HS6ST3: variants seen among roughly 807,000 people sequenced by gnomAD.
HS6ST3 encodes the protein heparan sulfate 6-O-sulfotransferase 3, also known as heparan-sulfate 6-O-sulfotransferase 3.
In HS6ST3, 12 loss-of-function variants were observed where a neutral mutation model predicts 36.7. That is an observed-to-expected ratio of 0.33 (90% CI 0.21 to 0.53). The LOEUF is 0.53. Ranked by LOEUF, HS6ST3 falls within the 20% of genes least tolerant of loss-of-function variation. The probability of loss-of-function intolerance (pLI) is 0.95; values close to 1 mark genes in which losing one functional copy is unlikely to be tolerated. For synonymous variants in HS6ST3, 240 were observed against 257.5 expected, an observed-to-expected ratio of 0.93 and a Z score of 0.65; for missense variants, 584 against 640.9, an observed-to-expected ratio of 0.91 and a Z score of 0.96.
chr13:96,386,790 C>G (rs1261891185), intron 1 of HS6ST3, among the ~76,000 whole-genome samples: 1 of 152,078 alleles, frequency 6.6e-6, no homozygotes, highest in African/African-American at 2.4e-5. Context: ...GGCTTGAACC[C>G]GGGAGGCAGA....
rs1033163416 is a variant in HS6ST3 at position 96,838,229 on chromosome 13, T to C, written c.*5031T>C. ...TGAAAAAATAGAAAAATGACTAAGA[T>C]ACAGTCTCTGTCCTCTAGAACTAGG... is the stretch of plus-strand genomic sequence containing the variant. On this transcript the variant is annotated 3_prime_UTR_variant, in exon 2 of 2. Coordinates refer to ENST00000376705, the MANE Select transcript of HS6ST3 (RefSeq NM_153456.4). 3 of 152,078 alleles carry C rather than the reference T, an allele frequency of 2.0e-5. No homozygotes were observed. The highest frequency in any genetic ancestry group is 7.2e-5 in the African/African-American group (3 of 41,448). 9.4% of individuals were successfully genotyped at this position (152,078 alleles called of 1,614,324 possible).
At chr13:96,657,154 A>T (rs1594829093) in intron 1 of HS6ST3, among the ~76,000 whole-genome samples, 1 of 152,114 alleles carries the variant, frequency 6.6e-6, no homozygotes, top group Non-Finnish European at 1.5e-5. Context: ...ACCAACAGAG[A>T]TGTATTCTTT....
intron 1 of HS6ST3, among the ~76,000 whole-genome samples, chr13:96,453,180 T>TAA (rs56996268): frequency 0.012 from 1,573 of 135,824 alleles, 25 homozygotes; most frequent in African/African-American, 0.041. Flanking sequence ...ATGCTCTTTT[T>TAA]AAAAAAAAAA....
At chr13:96,338,518 G>A (rs2055113459) in intron 1 of HS6ST3, among the ~76,000 whole-genome samples, 1 of 152,188 alleles carries the variant, frequency 6.6e-6, no homozygotes, top group Non-Finnish European at 1.5e-5. Flanking sequence ...GCCAAGAAGA[G>A]TTAGAGAGAG....
chr13:96,646,723 A>G (rs544301304), intron 1 of HS6ST3, among the ~76,000 whole-genome samples: 1 of 152,028 alleles, frequency 6.6e-6, no homozygotes, highest in Non-Finnish European at 1.5e-5. Flanking sequence ...AGGTCTCCGT[A>G]TTGTTCTCAT....
intron 1 of HS6ST3, among the ~76,000 whole-genome samples, chr13:96,400,308 T>TACAC (rs10603063): frequency 5.7e-4 from 81 of 142,566 alleles, no homozygotes; most frequent in African/African-American, 1.8e-3. Context: ...GACACACAGA[T>TACAC]ACACACACAC....
At chr13:96,414,843 C>CT (rs1015941945) in intron 1 of HS6ST3, among the ~76,000 whole-genome samples, 1 of 152,050 alleles carries the variant, frequency 6.6e-6, no homozygotes, top group African/African-American at 2.4e-5. Context: ...TAAATATGGG[C>CT]TTTTTTTCAT....
chr13:96,581,777 GC>G (rs2056342920), intron 1 of HS6ST3, among the ~76,000 whole-genome samples: 1 of 152,168 alleles, frequency 6.6e-6, no homozygotes, highest in African/African-American at 2.4e-5. Flanking sequence ...TGTACTCATG[GC>G]TACTGGAGGT....
At chr13:96,184,965 A>C (rs2054258512) in intron 1 of HS6ST3, among the ~76,000 whole-genome samples, 1 of 152,206 alleles carries the variant, frequency 6.6e-6, no homozygotes, top group Non-Finnish European at 1.5e-5. Context: ...GAAAATATAT[A>C]TCTATTTAAC....
chr13:96,134,431 A>G (rs1019746051), intron 1 of HS6ST3, among the ~76,000 whole-genome samples: 2 of 150,868 alleles, frequency 1.3e-5, no homozygotes, highest in Non-Finnish European at 3.0e-5. Flanking sequence ...TGTATTTAAT[A>G]TTTTTTATTT....
At position 96,832,874 on chromosome 13, in the gene HS6ST3, T is replaced by C. The variant is rs1442975418; in HGVS notation, c.1092T>C (p.Phe364=). The C allele has an allele frequency of 1.9e-6, 3 of 1,614,180 alleles. No individual in the cohort carries two copies. Among genetic ancestry groups the C allele is most frequent in the Admixed American group, 1.7e-5 (1 of 60,016 alleles). The change falls in exon 2 of 2, where the codon TTT becomes TTC. Residue 364 remains phenylalanine (F), a synonymous_variant. Coordinates refer to ENST00000376705, the MANE Select transcript of HS6ST3 (RefSeq NM_153456.4). ...TEFQRKTQFL[F]ERTFNLKFIS... ...TCCAGAGGAAGACACAGTTTCTCTT[T>C]GAGAGAACATTCAACCTCAAGTTCA...
chr13:96,175,815 A>C (rs1375363169), intron 1 of HS6ST3, among the ~76,000 whole-genome samples: 1 of 151,140 alleles, frequency 6.6e-6, no homozygotes, highest in Non-Finnish European at 1.5e-5. Flanking sequence ...GATATGAATT[A>C]GGTTTTAAAA....
At chr13:96,251,498 G>A (rs116925445) in intron 1 of HS6ST3, among the ~76,000 whole-genome samples, 2,231 of 151,906 alleles carry the variant, frequency 0.015, 27 homozygotes, top group East Asian at 0.054. Context: ...CTAGCTAAAG[G>A]TTTATTGATT....
intron 1 of HS6ST3, among the ~76,000 whole-genome samples, chr13:96,446,725 A>T (rs2055701021): frequency 6.6e-6 from 1 of 152,234 alleles, no homozygotes; most frequent in Non-Finnish European, 1.5e-5. Flanking sequence ...GTTCTCAATT[A>T]ACTTTTTATT....
chr13:96,701,787 C>T (rs1875294325), intron 1 of HS6ST3, among the ~76,000 whole-genome samples: 1 of 151,966 alleles, frequency 6.6e-6, no homozygotes, highest in South Asian at 2.1e-4. Flanking sequence ...TGATGACATC[C>T]CATCTCTACA....
At chr13:96,265,182 A>G (rs565188508) in intron 1 of HS6ST3, among the ~76,000 whole-genome samples, 30 of 151,726 alleles carry the variant, frequency 2.0e-4, no homozygotes, top group African/African-American at 6.5e-4. Flanking sequence ...ATATGCACAC[A>G]CTTTTTTTTT....
At position 96,248,372 on chromosome 13, in the gene HS6ST3, C is replaced by T. The variant is rs188077531; in HGVS notation, c.707+156803C>T. Among the ~76,000 whole-genome samples the T allele has an allele frequency of 1.5e-3, 232 of 152,254 alleles. 2 individuals carry two copies. The highest frequency in any genetic ancestry group is 5.4e-3 in the African/African-American group (224 of 41,540). On this transcript the variant is annotated intron_variant, in intron 1 of 1. Transcript: ENST00000376705. Reference sequence around the variant, plus strand: ...TTTCCTGAGTCTCAGTTCACTTCTGCCAAGAGCCTGGGAGCACTTCTAACT... The same window carrying T: ...TTTCCTGAGTCTCAGTTCACTTCTGTCAAGAGCCTGGGAGCACTTCTAACT...
At chr13:96,512,790 TG>T (rs1367033777) in intron 1 of HS6ST3, among the ~76,000 whole-genome samples, 1 of 152,144 alleles carries the variant, frequency 6.6e-6, no homozygotes, top group African/African-American at 2.4e-5. Flanking sequence ...TTGATTCAAT[TG>T]TTTTTTTTCT....
At chr13:96,435,521 T>C (rs1047235337) in intron 1 of HS6ST3, among the ~76,000 whole-genome samples, 10 of 152,222 alleles carry the variant, frequency 6.6e-5, no homozygotes, top group African/African-American at 2.4e-4. Flanking sequence ...TCTGTGCCTT[T>C]GGACATATTA....
Sources: gnomAD v4.1 joint callset for allele counts (sites outside exome capture counted in the v4.1 genomes callset) on GRCh38, gnomAD v4.1.1 for gene constraint, MANE v1.5 for transcripts, NCBI Gene and HGNC (gene_info 2026-07-23, HGNC 2026-07-21) for gene names.